Variants in NEK6 observed in about 807,000 individuals in gnomAD.
The protein encoded by NEK6 is serine/threonine-protein kinase Nek6.
A neutral mutation model predicts 43.5 loss-of-function variants in NEK6; 27 were observed. The observed-to-expected ratio is 0.62, with a 90% CI of 0.46 to 0.86. The LOEUF (loss-of-function observed/expected upper bound fraction) is 0.86, where lower values mean the gene tolerates loss of function less well. Among genes scored for constraint, NEK6 ranks in the 40% least tolerant of loss-of-function variants. NEK6 has a pLI of 0.00. For synonymous variants in NEK6, 167 were observed against 164.1 expected (o/e 1.02, Z -0.14); for missense variants, 318 against 414.4 (o/e 0.77, Z 2.02).
In NEK6 at chr9:124,275,026, C is replaced by T. The variant is rs1831597300; in HGVS notation, c.-30+16941C>T. Among the ~76,000 whole-genome samples the T allele has an allele frequency of 6.6e-6, 1 of 152,174 alleles. No individual in the cohort carries two copies. The highest frequency in any genetic ancestry group is 6.5e-5 in the Admixed American group (1 of 15,278). ...TTAACCTGAGCAGGGACCCCAGGGG[C>T]ACGAGCTCTGCTTAGTTCTTGTGAT... On this transcript the variant is annotated intron_variant, in intron 1 of 9. Transcript: ENST00000320246. The surrounding 1 kb of genome is among the most constrained non-coding windows in gnomAD (Gnocchi z 4.4).
chr9:124,308,715 T>A (rs886866142), intron 2 of NEK6, among the ~76,000 whole-genome samples: 31 of 150,796 alleles, frequency 2.1e-4, no homozygotes, highest in Non-Finnish European at 3.4e-4. Context: ...CGGTCATTAG[T>A]CAGCAGTGAT....
intron 1 of NEK6, among the ~76,000 whole-genome samples, chr9:124,258,628 C>T (rs962049018): frequency 6.6e-6 from 1 of 152,216 alleles, no homozygotes; most frequent in Non-Finnish European, 1.5e-5. Flanking sequence ...GGCCGGCCCC[C>T]TTTGCGCCCA....
chr9:124,276,594 GT>G (rs1210117770), intron 1 of NEK6, among the ~76,000 whole-genome samples: 1 of 152,250 alleles, frequency 6.6e-6, no homozygotes, highest in African/African-American at 2.4e-5. Context: ...GCTGGAGTGT[GT>G]GCAGAGGGGC....
intron 1 of NEK6, among the ~76,000 whole-genome samples, chr9:124,297,144 A>G (rs951653292): frequency 3.3e-5 from 5 of 152,226 alleles, no homozygotes; most frequent in Non-Finnish European, 5.9e-5. Flanking sequence ...CTTGGGTCCA[A>G]CAGCCCCAGC....
At chr9:124,292,497 G>T (rs1832469414) in intron 1 of NEK6, 1 of 1,536,978 alleles carries the variant, frequency 6.5e-7, no homozygotes, top group South Asian at 1.2e-5. Flanking sequence ...TCCCTGCATG[G>T]AGGCCACTGG....
At chr9:124,323,093 G>A (rs1834157292) in intron 5 of NEK6, among the ~76,000 whole-genome samples, 1 of 152,180 alleles carries the variant, frequency 6.6e-6, no homozygotes, top group Non-Finnish European at 1.5e-5. Flanking sequence ...CAGCCCTCAT[G>A]CCAAGAACTA....
intron 3 of NEK6, among the ~76,000 whole-genome samples, chr9:124,313,291 G>A (rs1190911385): frequency 2.0e-5 from 3 of 152,164 alleles, no homozygotes; most frequent in Non-Finnish European, 4.4e-5. Flanking sequence ...TGGGGAAATG[G>A]GGAGAGAACA....
chr9:124,258,018 C>T lies in NEK6; in HGVS notation c.-97C>T. 5 of 979,070 alleles carry T rather than the reference C, an allele frequency of 5.1e-6. No homozygotes were observed. The highest frequency in any genetic ancestry group is 1.8e-5 in the African/African-American group (1 of 56,618). 60.6% of individuals were successfully genotyped at this position (979,070 alleles called of 1,614,324 possible). A position where few individuals can be genotyped will look rare whatever the true frequency, so the allele number is the denominator to read the frequency against. On this transcript the variant is annotated 5_prime_UTR_variant, in exon 1 of 10. Transcript: ENST00000320246. The stretch of plus-strand genomic sequence containing the variant: ...CTGCGCCGCAAACTCGTGTGGGACG[C>T]ACCGCTCCAGCCGCCCGCGGGCCAG...
intron 7 of NEK6, 33 bp from the exon 8 acceptor site, chr9:124,339,538 G>C (rs1429885504): frequency 6.6e-7 from 1 of 1,512,620 alleles, no homozygotes; most frequent in Non-Finnish European, 9.2e-7. Flanking sequence ...CCTACATGGA[G>C]CATAAGCAGC....
At chr9:124,262,305 A>G (rs1022055446) in intron 1 of NEK6, among the ~76,000 whole-genome samples, 1 of 152,340 alleles carries the variant, frequency 6.6e-6, no homozygotes, top group African/African-American at 2.4e-5. Context: ...AACTAAACCA[A>G]TGGCCTTCTC....
rs1422986628 is a variant in NEK6, at chr9:124,282,483, G to C, written c.-29-19453G>C. Among the ~76,000 whole-genome samples, 3 of 152,214 alleles carry C rather than the reference G, an allele frequency of 2.0e-5. No individual in the cohort carries two copies. In the East Asian group the frequency reaches 5.8e-4, roughly 29 times the overall value. On this transcript the variant is annotated intron_variant, in intron 1 of 9. Transcript: ENST00000320246. ...TTCCAGATAGACAAGGGTTTGGGGG[G>C]AACATTACTCTGGGGGCGTAAGGGA... is the stretch of plus-strand genomic sequence containing the variant.
chr9:124,340,008 A>T (rs1388612040), intron 8 of NEK6, among the ~76,000 whole-genome samples: 1 of 152,160 alleles, frequency 6.6e-6, no homozygotes, highest in Admixed American at 6.5e-5. Context: ...TTCATCCTTT[A>T]TTATGGGTCA....
At chr9:124,316,647 C>G (rs1334851651) in intron 4 of NEK6, among the ~76,000 whole-genome samples, 1 of 152,214 alleles carries the variant, frequency 6.6e-6, no homozygotes. Flanking sequence ...AGACTCAGCT[C>G]GGCCCCTGCT....
Position 124,301,925 on chromosome 9 carries a change from T to G in NEK6, c.-29-11T>G. 1.9e-6 allele frequency: 3 copies of G among 1,561,384 alleles called. No homozygotes were observed. The highest frequency in any genetic ancestry group is 2.6e-6 in the Non-Finnish European group (3 of 1,151,408). ...AAGAGAAAGTGAACAGGCCGCTGTT[T>G]TCTGTTGCAGTTCGTGCCCTCGTGA... On this transcript the variant is annotated splice_polypyrimidine_tract_variant and intron_variant, in intron 1 of 9. Transcript: ENST00000320246.
intron 7 of NEK6, among the ~76,000 whole-genome samples, chr9:124,331,005 G>A (rs1001547532): frequency 3.3e-5 from 5 of 152,186 alleles, no homozygotes; most frequent in African/African-American, 1.2e-4. Flanking sequence ...GCTCCCGCCT[G>A]TGATCTCAGC....
intron 1 of NEK6, chr9:124,292,659 T>G: frequency 7.3e-7 from 1 of 1,364,644 alleles, no homozygotes; most frequent in Non-Finnish European, 1.0e-6. Flanking sequence ...ATCCCTTCCC[T>G]TAAGCCCCAG....
chr9:124,285,392 C>A (rs189986263), intron 1 of NEK6, among the ~76,000 whole-genome samples: 14 of 152,250 alleles, frequency 9.2e-5, no homozygotes, highest in Admixed American at 2.6e-4. Flanking sequence ...TCTCAGAGGC[C>A]GACCTGCATG....
chr9:124,269,494 C>T (rs1300385559), intron 1 of NEK6, among the ~76,000 whole-genome samples: 1 of 152,122 alleles, frequency 6.6e-6, no homozygotes, highest in African/African-American at 2.4e-5. Flanking sequence ...CTGCCGCAGC[C>T]TCCCGAGTAG....
chr9:124,301,842 A>T, intron 1 of NEK6, 94 bp from the exon 2 acceptor site: 1 of 1,012,368 alleles, frequency 9.9e-7, no homozygotes. Flanking sequence ...TTTGCACCTC[A>T]GCTCACGCAT....
Sources: allele counts gnomAD v4.1 joint callset (sites outside exome capture counted in the v4.1 genomes callset), GRCh38; gene constraint gnomAD v4.1.1; non-coding constraint Gnocchi (gnomAD v3.1); transcripts MANE v1.5; gene names NCBI Gene and HGNC (gene_info 2026-07-23, HGNC 2026-07-21).